The following PRKG1 variants were observed in gnomAD, a reference collection of about 807,000 sequenced individuals.
PRKG1 encodes the protein protein kinase cGMP-dependent 1, also known as cGMP-dependent protein kinase 1.
Under a neutral mutation model 88.1 loss-of-function variants are expected in PRKG1, and 35 were observed. That is an observed-to-expected ratio of 0.40 (90% CI 0.30 to 0.53). PRKG1 has a LOEUF of 0.53. PRKG1 is among the 20% of genes least tolerant of loss of function. The pLI is 0.59. For missense variants in PRKG1, 540 were observed against 839.8 expected (o/e 0.64, Z 4.41); for synonymous variants, 303 against 292.5 (o/e 1.04, Z -0.37).
intron 7 of PRKG1, among the ~76,000 whole-genome samples, chr10:52,098,630 G>A (rs375541877): frequency 6.6e-5 from 10 of 152,162 alleles, no homozygotes; most frequent in African/African-American, 2.4e-4. Flanking sequence ...GTAAATAGAT[G>A]TATAAATGTA....
intron 2 of PRKG1, among the ~76,000 whole-genome samples, chr10:51,193,740 G>A (rs1195270397): frequency 6.6e-6 from 1 of 152,034 alleles, no homozygotes; most frequent in Admixed American, 6.6e-5. Flanking sequence ...GAGATCATAA[G>A]CCAAGGAGAA....
At chr10:51,941,346 T>G (rs866701264) in intron 5 of PRKG1, among the ~76,000 whole-genome samples, 29 of 152,184 alleles carry the variant, frequency 1.9e-4, no homozygotes, top group Admixed American at 7.2e-4. Context: ...TATCCTCTCA[T>G]GTACAATATT....
chr10:52,169,005 T>A (rs2132704670), intron 9 of PRKG1, among the ~76,000 whole-genome samples: 1 of 152,244 alleles, frequency 6.6e-6, no homozygotes, highest in East Asian at 1.9e-4. Context: ...ATAACGAACA[T>A]TTCGATGTTA....
In PRKG1 at chr10:51,988,447, A is replaced by G. The variant is rs370323087; in HGVS notation, c.763-66037A>G. Among the ~76,000 whole-genome samples the G allele has an allele frequency of 3.3e-5, 5 of 152,054 alleles. No homozygotes were observed. In the East Asian group the frequency reaches 9.6e-4, roughly 29 times the overall value. On this transcript the variant is annotated intron_variant, in intron 5 of 17. Coordinates refer to ENST00000373980, the MANE Select transcript of PRKG1 (RefSeq NM_006258.4). The stretch of plus-strand genomic sequence containing the variant: ...ATTATTAAAGATTTCCAAATCTCCA[A>G]TATGAGAGTATCAAAATAAGAGTCC...
chr10:52,162,198 A>G (rs1179755248), intron 9 of PRKG1, among the ~76,000 whole-genome samples: 1 of 152,130 alleles, frequency 6.6e-6, no homozygotes, highest in Non-Finnish European at 1.5e-5. Flanking sequence ...AGCAAGAAAA[A>G]ATGCTTATTT....
intron 9 of PRKG1, among the ~76,000 whole-genome samples, chr10:52,162,944 T>A (rs1838317153): frequency 6.6e-6 from 1 of 152,190 alleles, no homozygotes; most frequent in Admixed American, 6.6e-5. Flanking sequence ...CCAGGCTCCA[T>A]GCAGTCACTG....
chr10:51,602,165 G>A (rs767273325), intron 3 of PRKG1, among the ~76,000 whole-genome samples: 5 of 152,142 alleles, frequency 3.3e-5, no homozygotes, highest in African/African-American at 9.6e-5. Flanking sequence ...CGAGGGGTTC[G>A]CTCAACACAA....
At chr10:51,402,742 A>G (rs1161475093) in intron 2 of PRKG1, among the ~76,000 whole-genome samples, 1 of 152,152 alleles carries the variant, frequency 6.6e-6, no homozygotes, top group Non-Finnish European at 1.5e-5. Flanking sequence ...CTATTAGAAG[A>G]AAAACTAAAG....
chr10:52,269,152 C>T (rs1210261957), intron 10 of PRKG1, among the ~76,000 whole-genome samples: 1 of 151,946 alleles, frequency 6.6e-6, no homozygotes, highest in African/African-American at 2.4e-5. Flanking sequence ...CACAACAGTC[C>T]TCACTAGTTT....
At chr10:51,156,314 A>AACACACACACACACACACACAC (rs1846212228) in intron 2 of PRKG1, among the ~76,000 whole-genome samples, 1 of 147,026 alleles carries the variant, frequency 6.8e-6, no homozygotes. Context: ...CACACACACA[A>AACACACACACACACACACACAC]ACACACACAC....
At chr10:51,867,471 A>G (rs1219100627) in intron 4 of PRKG1, among the ~76,000 whole-genome samples, 1 of 152,160 alleles carries the variant, frequency 6.6e-6, no homozygotes, top group Admixed American at 6.6e-5. Flanking sequence ...GAGAGAAATG[A>G]CAAAGGCATG....
chr10:51,764,956 A>T (rs1027324159), intron 3 of PRKG1, among the ~76,000 whole-genome samples: 2 of 152,186 alleles, frequency 1.3e-5, no homozygotes, highest in African/African-American at 4.8e-5. Context: ...CACTCACCAG[A>T]CACCAGATTG....
chr10:51,503,643 T>C lies in PRKG1; in HGVS notation c.592+35807T>C, dbSNP rs538977041. ...GTAACTGTTGTGAAAGCAATACATA[T>C]GCACCTGGCTTATCAGCTGAGACGT... On this transcript the variant is annotated intron_variant, in intron 3 of 17. Transcript: ENST00000373980. Among the ~76,000 whole-genome samples, 14 of 152,306 alleles carry C rather than the reference T, an allele frequency of 9.2e-5. No individual in the cohort carries two copies. In the South Asian group the frequency reaches 2.7e-3, roughly 29 times the overall value.
chr10:51,492,811 A>G (rs1840741329), intron 3 of PRKG1, among the ~76,000 whole-genome samples: 1 of 152,160 alleles, frequency 6.6e-6, no homozygotes, highest in African/African-American at 2.4e-5. Flanking sequence ...GATGGCATGA[A>G]ACTTGAATAA....
rs184087470 is a variant in PRKG1, at chr10:51,824,479, A to T, written c.698+19789A>T. Reference sequence around the variant, plus strand: ...TCTTTTGTGGATATAGGCATAGCATAAGAATTAGTGGATTAATGTCTAACA... The same window carrying T: ...TCTTTTGTGGATATAGGCATAGCATTAGAATTAGTGGATTAATGTCTAACA... On this transcript the variant is annotated intron_variant, in intron 4 of 17. Coordinates refer to ENST00000373980, the MANE Select transcript of PRKG1 (RefSeq NM_006258.4). Among the ~76,000 whole-genome samples the T allele has an allele frequency of 3.3e-5, 5 of 152,302 alleles. No homozygotes were observed. The East Asian group carries it at 9.7e-4, about 29-fold the overall frequency.
At chr10:51,952,438 T>C (rs951186493) in intron 5 of PRKG1, among the ~76,000 whole-genome samples, 1 of 152,218 alleles carries the variant, frequency 6.6e-6, no homozygotes, top group African/African-American at 2.4e-5. Context: ...CTTTAGGCTC[T>C]TTTGGACAAT....
At chr10:51,337,874 T>C (rs1254799644) in intron 2 of PRKG1, among the ~76,000 whole-genome samples, 1 of 152,118 alleles carries the variant, frequency 6.6e-6, no homozygotes, top group Non-Finnish European at 1.5e-5. Context: ...AGAAATAGCA[T>C]TTGACCCAGC....
In PRKG1 at chr10:52,045,366, T is replaced by C. The variant is rs1336063537; in HGVS notation, c.763-9118T>C. Among the ~76,000 whole-genome samples, 3 of 152,026 alleles carry C rather than the reference T, an allele frequency of 2.0e-5. No homozygotes were observed. The East Asian group carries it at 5.8e-4, about 29-fold the overall frequency. ...ACTACTATCAAGGTAGGTAGAAATG[T>C]AATGATTCAAGGAGAAAGGACCAAG... On this transcript the variant is annotated intron_variant, in intron 5 of 17. Coordinates refer to ENST00000373980, the MANE Select transcript of PRKG1 (RefSeq NM_006258.4).
At chr10:52,121,258 G>A (rs1372219951) in intron 7 of PRKG1, among the ~76,000 whole-genome samples, 7 of 152,168 alleles carry the variant, frequency 4.6e-5, no homozygotes, top group Non-Finnish European at 8.8e-5. Context: ...TGGAGGGGCA[G>A]TCCTGAACAT....
Sources: gnomAD v4.1 joint callset for allele counts (sites outside exome capture counted in the v4.1 genomes callset) on GRCh38, gnomAD v4.1.1 for gene constraint, MANE v1.5 for transcripts, NCBI Gene and HGNC (gene_info 2026-07-23, HGNC 2026-07-21) for gene names.